The following PAK2 variants were observed in gnomAD, a reference collection of about 807,000 sequenced individuals.
The protein encoded by PAK2 is serine/threonine-protein kinase PAK 2.
In PAK2, 21 loss-of-function variants were observed where a neutral mutation model predicts 65.9. The observed-to-expected ratio is 0.32, with a 90% confidence interval of 0.23 to 0.46. PAK2 has a LOEUF of 0.46. Ranked by LOEUF, PAK2 falls within the 20% of genes least tolerant of loss-of-function variation. PAK2 has a pLI of 1.00. For missense variants in PAK2, 324 were observed against 642.6 expected, an observed-to-expected ratio of 0.50 and a Z score of 5.36; for synonymous variants, 204 against 219.7, an observed-to-expected ratio of 0.93 and a Z score of 0.63.
chr3:196,783,955 G>T (rs1714797819), intron 2 of PAK2, among the ~76,000 whole-genome samples: 2 of 152,138 alleles, frequency 1.3e-5, no homozygotes, highest in Admixed American at 6.6e-5. Context: ...AGTTTATTTG[G>T]CCAGTCTCCT....
rs546719462 is a variant in PAK2 at position 196,804,787 on chromosome 3, GAT to G, written c.437-562_437-561del. On this transcript the variant is annotated intron_variant, in intron 4 of 14. Coordinates refer to ENST00000327134, the MANE Select transcript of PAK2 (RefSeq NM_002577.4). ...CCCGGCCTGTGCGTATGTAATATGTGATATGTGTGTGTGTGTGTGATATATAT... is the reference window on the plus strand; with the variant it reads ...CCCGGCCTGTGCGTATGTAATATGTGATGTGTGTGTGTGTGTGATATATAT... Among the ~76,000 whole-genome samples, 1,004 of 144,122 alleles carry G rather than the reference GAT, an allele frequency of 7.0e-3. 10 individuals are homozygous for G. The highest frequency in any genetic ancestry group is 0.024 in the African/African-American group (931 of 38,714). 94.5% of individuals were successfully genotyped at this position (144,122 alleles called of 152,430 possible).
chr3:196,742,373 C>T (rs1713227069), intron 1 of PAK2, among the ~76,000 whole-genome samples: 1 of 152,106 alleles, frequency 6.6e-6, no homozygotes, highest in African/African-American at 2.4e-5. Flanking sequence ...GCGTGAGCCA[C>T]GGCACACCAC....
chr3:196,787,494 G>A (rs996528778), intron 2 of PAK2, among the ~76,000 whole-genome samples: 2 of 151,826 alleles, frequency 1.3e-5, no homozygotes, highest in African/African-American at 4.8e-5. Flanking sequence ...CAGGAGAATG[G>A]TGTGGACCCG....
chr3:196,822,525 C>T (rs1711689697), intron 13 of PAK2, among the ~76,000 whole-genome samples: 1 of 151,932 alleles, frequency 6.6e-6, no homozygotes, highest in Non-Finnish European at 1.5e-5. Flanking sequence ...CCCATCTCTA[C>T]AAAAAAATTT....
At chr3:196,759,608 C>G (rs752375497) in intron 1 of PAK2, among the ~76,000 whole-genome samples, 3 of 147,436 alleles carry the variant, frequency 2.0e-5, no homozygotes, top group Non-Finnish European at 4.5e-5. Context: ...CCCACTGCAA[C>G]CTCTGCCTCC....
Position 196,751,663 on chromosome 3 carries a change from T to TTTTA in PAK2, c.-22+11507_-22+11508insTTAT, listed in dbSNP as rs1491521540. 3.9e-4 allele frequency among the ~76,000 whole-genome samples: 18 copies of TTTTA among 45,744 alleles called. 1 individual carries two copies. Among genetic ancestry groups the TTTTA allele is most frequent in the African/African-American group, 2.1e-3 (18 of 8,778 alleles). 30.0% of individuals were successfully genotyped at this position (45,744 alleles called of 152,430 possible). On this transcript the variant is annotated intron_variant, in intron 1 of 14. Transcript: ENST00000327134. ...CTGTCCCCCCAAAAAACACACAAAT[T>TTTTA]TATTTATATACATATATATATATAT...
intron 10 of PAK2, among the ~76,000 whole-genome samples, 190 bp from the exon 11 acceptor site, chr3:196,814,261 G>A (rs1560115441): frequency 6.6e-6 from 1 of 152,134 alleles, no homozygotes; most frequent in Non-Finnish European, 1.5e-5. Context: ...ACTTTAAAAT[G>A]ATTCAGGATC....
In PAK2 at chr3:196,829,502, C is replaced by A. The variant is rs572027180; in HGVS notation, c.*1097C>A. On this transcript the variant is annotated 3_prime_UTR_variant, in exon 15 of 15. Transcript: ENST00000327134. Reference sequence around the variant, plus strand: ...AAAGGAGAAAAATATTTGGGACTAGCAGCAGAGGCAGTAAGAGATGTGAAC... The same window carrying A: ...AAAGGAGAAAAATATTTGGGACTAGAAGCAGAGGCAGTAAGAGATGTGAAC... 7.9e-5 allele frequency: 12 copies of A among 152,228 alleles called. No homozygotes were observed. Among genetic ancestry groups the A allele is most frequent in the African/African-American group, 2.9e-4 (12 of 41,522 alleles). The allele number at this position is 152,228 out of a possible 1,614,324, so 9.4% of individuals were successfully genotyped here.
At chr3:196,804,824 T>C (rs199500375) in intron 4 of PAK2, among the ~76,000 whole-genome samples, 422 of 11,218 alleles carry the variant, frequency 0.038, 2 homozygotes, top group Admixed American at 0.1. Flanking sequence ...TATATATATA[T>C]ACACATATAT....
chr3:196,823,452 C>T (rs1305231412), intron 13 of PAK2, among the ~76,000 whole-genome samples: 2 of 152,010 alleles, frequency 1.3e-5, no homozygotes, highest in Non-Finnish European at 2.9e-5. Context: ...AAATCACCAG[C>T]GCCAAGCTCC....
chr3:196,782,138 T>TGTG (rs1360498357), intron 1 of PAK2, among the ~76,000 whole-genome samples: 1 of 151,994 alleles, frequency 6.6e-6, no homozygotes, highest in African/African-American at 2.4e-5. Flanking sequence ...GGAAAGTTAC[T>TGTG]GTGAAGGCTA....
intron 5 of PAK2, among the ~76,000 whole-genome samples, chr3:196,805,881 A>ATATTT (rs926131042): frequency 6.0e-5 from 9 of 150,520 alleles, no homozygotes; most frequent in Admixed American, 3.3e-4. Flanking sequence ...TTATTTTTTT[A>ATATTT]TATTTTATTT....
At chr3:196,776,252 C>T (rs181185268) in intron 1 of PAK2, among the ~76,000 whole-genome samples, 253 of 152,244 alleles carry the variant, frequency 1.7e-3, no homozygotes, top group African/African-American at 5.3e-3. Context: ...GCCAGTTTCA[C>T]GTAATAATAT....
In PAK2 at chr3:196,798,253, A is replaced by G. The variant is rs1489686266; in HGVS notation, c.188-3674A>G. ...GATGGGGAGGAGAGACACATTACCA[A>G]TATTGAGAATGAGAGAGGTGGTGGC... On this transcript the variant is annotated intron_variant, in intron 2 of 14. Coordinates refer to ENST00000327134, the MANE Select transcript of PAK2 (RefSeq NM_002577.4). Among the ~76,000 whole-genome samples, 3 of 152,316 alleles carry G rather than the reference A, an allele frequency of 2.0e-5. No individual in the cohort carries two copies. In the Middle Eastern group the frequency reaches 0.01, roughly 522 times the overall value.
chr3:196,744,817 G>C (rs1349408632), intron 1 of PAK2, among the ~76,000 whole-genome samples: 5 of 152,036 alleles, frequency 3.3e-5, no homozygotes, highest in Non-Finnish European at 7.4e-5. Flanking sequence ...TTCTAACTTT[G>C]AGCAACTAAA....
chr3:196,781,648 A>G (rs1714718206), intron 1 of PAK2, among the ~76,000 whole-genome samples: 1 of 152,250 alleles, frequency 6.6e-6, no homozygotes, highest in African/African-American at 2.4e-5. Context: ...TTCAGAGACC[A>G]AATACTGTAT....
intron 2 of PAK2, among the ~76,000 whole-genome samples, chr3:196,798,719 T>A (rs1229749878): frequency 3.3e-5 from 5 of 152,174 alleles, no homozygotes; most frequent in Admixed American, 2.6e-4. Context: ...CATGACCAAG[T>A]GGATTTCGTT....
At chr3:196,774,156 T>A (rs1417897453) in intron 1 of PAK2, among the ~76,000 whole-genome samples, 1 of 152,206 alleles carries the variant, frequency 6.6e-6, no homozygotes, top group Non-Finnish European at 1.5e-5. Context: ...GAAAAGCAGA[T>A]AAAATAACTA....
At chr3:196,790,510 G>T (rs1715032442) in intron 2 of PAK2, among the ~76,000 whole-genome samples, 2 of 152,154 alleles carry the variant, frequency 1.3e-5, no homozygotes, top group African/African-American at 4.8e-5. Flanking sequence ...CCCGTAGATG[G>T]TTGTGTTTGA....
Sources: gnomAD v4.1 joint callset for allele counts (sites outside exome capture counted in the v4.1 genomes callset) on GRCh38, gnomAD v4.1.1 for gene constraint, MANE v1.5 for transcripts, NCBI Gene and HGNC (gene_info 2026-07-23, HGNC 2026-07-21) for gene names.